PDE6D: variants seen among roughly 807,000 people sequenced by gnomAD.
The protein encoded by PDE6D is retinal rod rhodopsin-sensitive cGMP 3',5'-cyclic phosphodiesterase subunit delta.
A neutral mutation model predicts 21.9 loss-of-function variants in PDE6D; 10 were observed. The observed-to-expected ratio is 0.46, with a 90% CI of 0.28 to 0.78. The LOEUF is 0.78. Ranked by LOEUF, PDE6D falls within the 30% of genes least tolerant of loss-of-function variation. The probability of loss-of-function intolerance (pLI) is 0.12; values close to 1 mark genes in which losing one functional copy is unlikely to be tolerated. For synonymous variants in PDE6D, 59 were observed against 63.5 expected, an observed-to-expected ratio of 0.93 and a Z score of 0.34; for missense variants, 139 against 184.8, an observed-to-expected ratio of 0.75 and a Z score of 1.44.
At chr2:231,761,066 TCTAAGA>T (rs1490365811) in intron 1 of PDE6D, among the ~76,000 whole-genome samples, 1 of 152,078 alleles carries the variant, frequency 6.6e-6, no homozygotes, top group African/African-American at 2.4e-5. Context: ...CAGAAATGAG[TCTAAGA>T]CTAAGGTTGT....
intron 1 of PDE6D, among the ~76,000 whole-genome samples, chr2:231,772,365 A>G (rs1235285515): frequency 6.6e-6 from 1 of 152,244 alleles, no homozygotes; most frequent in Non-Finnish European, 1.5e-5. Context: ...AGTAAGCTTT[A>G]GTCCAATCCA....
At chr2:231,778,743 A>G (rs1237341114) in intron 1 of PDE6D, 1 of 152,262 alleles carries the variant, frequency 6.6e-6, no homozygotes. Flanking sequence ...GACATAGTCC[A>G]GTATAGCTCT....
chr2:231,744,582 C>T (rs1209039416), intron 1 of PDE6D, among the ~76,000 whole-genome samples: 1 of 151,862 alleles, frequency 6.6e-6, no homozygotes, highest in Non-Finnish European at 1.5e-5. Context: ...TACAGGCATG[C>T]GCCACCATGC....
chr2:231,769,874 T>G (rs978331570), intron 1 of PDE6D, among the ~76,000 whole-genome samples: 8 of 152,172 alleles, frequency 5.3e-5, no homozygotes, highest in Admixed American at 3.3e-4. Context: ...ATAATAACAC[T>G]CTGTAACAGG....
chr2:231,738,432 C>T (rs182431059), intron 2 of PDE6D, among the ~76,000 whole-genome samples: 4 of 152,272 alleles, frequency 2.6e-5, no homozygotes, highest in Admixed American at 2.6e-4. Flanking sequence ...AGGAAGGGGG[C>T]TGCATGGGTA....
At chr2:231,752,762 C>T (rs2106272185) in intron 1 of PDE6D, among the ~76,000 whole-genome samples, 1 of 148,880 alleles carries the variant, frequency 6.7e-6, no homozygotes, top group Admixed American at 6.7e-5. Flanking sequence ...TACTTTTATA[C>T]TTGTATTATA....
In PDE6D at chr2:231,739,066, C is replaced by A; in HGVS notation, c.139+34G>T. On this transcript the variant is annotated intron_variant, in intron 2 of 4. Coordinates refer to ENST00000287600, the MANE Select transcript of PDE6D (RefSeq NM_002601.4). This position sits in a 1 kb window ranked among gnomAD's most constrained non-coding sequence, Gnocchi z 4.2. ...GCTCAGGTGCTAGTCTGGCATTGGT[C>A]ACAGCCCTGTGTAGATAAAGGGTTG... 7.1e-7 allele frequency: 1 copy of A among 1,414,648 alleles called. No individual in the cohort carries two copies. Among genetic ancestry groups the A allele is most frequent in the South Asian group, 1.2e-5 (1 of 86,674 alleles). The allele number at this position is 1,414,648 out of a possible 1,614,324, so 87.6% of individuals were successfully genotyped here.
intron 4 of PDE6D, 50 bp from the exon 5 acceptor site, chr2:231,733,083 C>T: frequency 8.2e-7 from 1 of 1,222,034 alleles, no homozygotes; most frequent in South Asian, 1.2e-5. Context: ...GCATGTTAGG[C>T]ACAAGATTTC....
intron 1 of PDE6D, among the ~76,000 whole-genome samples, chr2:231,742,401 G>C (rs2048757109): frequency 6.6e-6 from 1 of 152,184 alleles, no homozygotes; most frequent in African/African-American, 2.4e-5. Flanking sequence ...GCGATTACAG[G>C]TGTGAGCCAC....
chr2:231,760,975 T>C (rs2106278672), intron 1 of PDE6D, among the ~76,000 whole-genome samples: 1 of 152,272 alleles, frequency 6.6e-6, no homozygotes, highest in East Asian at 1.9e-4. Flanking sequence ...TAATACCAGT[T>C]GAGTGGATGA....
chr2:231,737,884 T>C, intron 3 of PDE6D, 129 bp downstream of exon 3: 2 of 910,850 alleles, frequency 2.2e-6, no homozygotes, highest in East Asian at 5.1e-5. Flanking sequence ...TTGCAGAGTG[T>C]AGGAATCCTA....
intron 1 of PDE6D, among the ~76,000 whole-genome samples, chr2:231,760,152 C>T (rs192489624): frequency 1.1e-4 from 17 of 152,182 alleles, no homozygotes; most frequent in African/African-American, 4.1e-4. Context: ...TGGGTCACAT[C>T]CAAGTAAATT....
intron 1 of PDE6D, among the ~76,000 whole-genome samples, chr2:231,749,497 T>C (rs1399703849): frequency 2.0e-5 from 3 of 147,812 alleles, no homozygotes; most frequent in Admixed American, 6.9e-5. Flanking sequence ...AAGTCTCAGA[T>C]GAGACTTTTT....
At chr2:231,748,910 T>C (rs1178305666) in intron 1 of PDE6D, among the ~76,000 whole-genome samples, 1 of 152,156 alleles carries the variant, frequency 6.6e-6, no homozygotes, top group Non-Finnish European at 1.5e-5. Flanking sequence ...AACCTCCGCC[T>C]GGAGTTTAGA....
intron 1 of PDE6D, among the ~76,000 whole-genome samples, chr2:231,759,500 A>G (rs1219742482): frequency 6.6e-6 from 1 of 152,160 alleles, no homozygotes; most frequent in Non-Finnish European, 1.5e-5. Flanking sequence ...AGGAGCAGGC[A>G]GTGAGAGAAA....
intron 1 of PDE6D, among the ~76,000 whole-genome samples, chr2:231,767,320 T>C (rs1471753005): frequency 1.3e-5 from 2 of 151,948 alleles, no homozygotes; most frequent in Non-Finnish European, 2.9e-5. Context: ...GCATGCATTA[T>C]CCTTGTTTTT....
At chr2:231,764,894 G>A (rs1413966214) in intron 1 of PDE6D, among the ~76,000 whole-genome samples, 2 of 152,170 alleles carry the variant, frequency 1.3e-5, no homozygotes, top group Non-Finnish European at 2.9e-5. Flanking sequence ...AAGCAATAGA[G>A]GGAGAGTTCA....
intron 1 of PDE6D, among the ~76,000 whole-genome samples, chr2:231,753,416 C>T (rs1156996851): frequency 1.3e-5 from 2 of 151,560 alleles, no homozygotes; most frequent in Admixed American, 6.6e-5. Flanking sequence ...CTGGGCGTGG[C>T]GGCACGCGCC....
chr2:231,758,982 T>C (rs537198114), intron 1 of PDE6D, among the ~76,000 whole-genome samples: 1 of 150,990 alleles, frequency 6.6e-6, no homozygotes, highest in Non-Finnish European at 1.5e-5. Flanking sequence ...CAGGAAGGGG[T>C]GGTCCACAGT....
Sources: gnomAD v4.1 joint callset for allele counts (sites outside exome capture counted in the v4.1 genomes callset) on GRCh38, gnomAD v4.1.1 for gene constraint, Gnocchi (gnomAD v3.1) non-coding constraint, MANE v1.5 for transcripts, NCBI Gene and HGNC (gene_info 2026-07-23, HGNC 2026-07-21) for gene names.